The following FLT3 variants were observed in gnomAD, a reference collection of about 807,000 sequenced individuals.
FLT3 encodes the protein fms related receptor tyrosine kinase 3, also known as receptor-type tyrosine-protein kinase FLT3.
FLT3 carries 46 observed loss-of-function variants against 126.6 expected under a neutral mutation model. The observed-to-expected ratio is 0.36, with a 90% CI of 0.29 to 0.46. The LOEUF (loss-of-function observed/expected upper bound fraction) is 0.46. Ranked by LOEUF, FLT3 falls within the 20% of genes least tolerant of loss-of-function variation. FLT3 has a pLI of 1.00. For synonymous variants in FLT3, 404 were observed against 434.4 expected (o/e 0.93, Z 0.87); for missense variants, 1,069 against 1,190.3 (o/e 0.90, Z 1.50).
chr13:28,059,873 T>C (rs1343364160), intron 3 of FLT3, among the ~76,000 whole-genome samples: 2 of 151,922 alleles, frequency 1.3e-5, no homozygotes, highest in African/African-American at 2.4e-5. Flanking sequence ...GGCAGGAGAA[T>C]TGCTTGAACC....
At chr13:28,021,552 C>T (rs1392928534) in intron 19 of FLT3, among the ~76,000 whole-genome samples, 3 of 152,070 alleles carry the variant, frequency 2.0e-5, no homozygotes, top group East Asian at 1.9e-4. Flanking sequence ...GGAAATATTA[C>T]TGTGACAGTA....
intron 1 of FLT3, among the ~76,000 whole-genome samples, chr13:28,088,249 G>A (rs1200228267): frequency 6.6e-6 from 1 of 151,946 alleles, no homozygotes; most frequent in African/African-American, 2.4e-5. Flanking sequence ...TTTTACTAGT[G>A]GACTTCACCA....
intron 2 of FLT3, among the ~76,000 whole-genome samples, chr13:28,062,359 G>T (rs1420041483): frequency 6.6e-6 from 1 of 152,104 alleles, no homozygotes; most frequent in African/African-American, 2.4e-5. Flanking sequence ...ACCCTCAAAT[G>T]CAACTTTATT....
At chr13:28,040,963 CAA>C (rs58959298) in intron 9 of FLT3, among the ~76,000 whole-genome samples, 39 of 108,660 alleles carry the variant, frequency 3.6e-4, no homozygotes, top group East Asian at 9.2e-4. Context: ...GACCCGGACT[CAA>C]AAAAAAAAAA....
At chr13:28,024,686 T>C (rs1317367935) in intron 18 of FLT3, among the ~76,000 whole-genome samples, 175 bp downstream of exon 18, 1 of 152,256 alleles carries the variant, frequency 6.6e-6, no homozygotes, top group Non-Finnish European at 1.5e-5. Context: ...CCTCAGTGTT[T>C]ATTAGTTGAA....
chr13:28,053,197 CCA>C (rs1875698369), intron 4 of FLT3, among the ~76,000 whole-genome samples: 1 of 145,514 alleles, frequency 6.9e-6, no homozygotes, highest in African/African-American at 2.5e-5. Context: ...CACACACACA[CCA>C]TCCTTCACTC....
At chr13:28,067,896 T>C (rs1251763615) in intron 2 of FLT3, 4 of 400,514 alleles carry the variant, frequency 1.0e-5, no homozygotes, top group African/African-American at 4.3e-5. Context: ...ATAAAGAAAA[T>C]AAGCTGGCTT....
chr13:28,086,942 C>T (rs1165633399), intron 1 of FLT3, among the ~76,000 whole-genome samples: 2 of 152,068 alleles, frequency 1.3e-5, no homozygotes, highest in East Asian at 3.9e-4. Flanking sequence ...CCACCATGCC[C>T]ACCTGTCTGA....
rs1872571725 is a variant in FLT3, at chr13:28,023,486, T to C, written c.2291-9A>G. The C allele has an allele frequency of 1.9e-6, 3 of 1,612,746 alleles. No homozygotes were observed. The highest frequency in any genetic ancestry group is 2.2e-5 in the East Asian group (1 of 44,860). On this transcript the variant is annotated splice_polypyrimidine_tract_variant and intron_variant, in intron 18 of 23. Coordinates refer to ENST00000241453, the MANE Select transcript of FLT3 (RefSeq NM_004119.3). ...TTCATATTCAATTTCATCTGTAAAA[T>C]AGAGCCAGTCTTCACTTTTGCCAAA...
At position 28,034,393 on chromosome 13, in the gene FLT3, T is replaced by C. The variant is rs1320131173; in HGVS notation, c.1612A>G (p.Ile538Val). Reference protein sequence around the residue: ...LLNSPGPFPFIQDNISFYATI... With the variant: ...LLNSPGPFPFVQDNISFYATI... ...GCATAGAATGAGATGTTGTCTTGGA[T>C]GAAAGGGAAGGGGCCTGCAACAAAA... is the stretch of plus-strand genomic sequence containing the variant. Residue 538 changes from isoleucine (I) to valine (V), a missense_variant, in exon 13 of 24, where the codon ATC becomes GTC. Physicochemically the swap from Ile to Val is conservative, Grantham distance 29 (BLOSUM62 3). Coordinates refer to ENST00000241453, the MANE Select transcript of FLT3 (RefSeq NM_004119.3). The C allele has an allele frequency of 6.2e-7, 1 of 1,613,576 alleles. No homozygotes were observed.
intron 19 of FLT3, among the ~76,000 whole-genome samples, chr13:28,022,023 T>C (rs887461022): frequency 3.3e-5 from 5 of 151,588 alleles, no homozygotes; most frequent in South Asian, 4.2e-4. Context: ...AGGCGTGAGC[T>C]ACCACGCCCG....
At chr13:28,048,056 TTC>T (rs1408862677) in intron 9 of FLT3, among the ~76,000 whole-genome samples, 3 of 152,166 alleles carry the variant, frequency 2.0e-5, no homozygotes, top group African/African-American at 7.2e-5. Flanking sequence ...ATACGGTTCT[TTC>T]TGTTTTCATG....
At chr13:28,095,427 C>A (rs766624828) in intron 1 of FLT3, among the ~76,000 whole-genome samples, 1 of 152,150 alleles carries the variant, frequency 6.6e-6, no homozygotes, top group African/African-American at 2.4e-5. Context: ...AGGCGTGCGC[C>A]ACCACACCCA....
chr13:28,052,461 T>A (rs1480545126), intron 5 of FLT3, 84 bp downstream of exon 5: 18 of 1,371,526 alleles, frequency 1.3e-5, no homozygotes, highest in Non-Finnish European at 1.6e-5. Flanking sequence ...TAAATTAAAT[T>A]TTACATACAG....
At chr13:28,099,622 G>C (rs1159415993) in intron 1 of FLT3, among the ~76,000 whole-genome samples, 1 of 152,146 alleles carries the variant, frequency 6.6e-6, no homozygotes, top group Non-Finnish European at 1.5e-5. Context: ...CTAGGACAGG[G>C]ACCGGAGCTG....
At chr13:28,069,622 T>C (rs1263489679) in intron 2 of FLT3, among the ~76,000 whole-genome samples, 1 of 152,148 alleles carries the variant, frequency 6.6e-6, no homozygotes, top group Non-Finnish European at 1.5e-5. Context: ...TCCGCATCCA[T>C]GGATACAACC....
chr13:28,053,297 T>C (rs73439156), intron 4 of FLT3, among the ~76,000 whole-genome samples: 3,996 of 151,688 alleles, frequency 0.026, 163 homozygotes, highest in African/African-American at 0.09. Context: ...GTCATTCTAA[T>C]TTCTGACAAA....
intron 17 of FLT3, chr13:28,025,264 C>T (rs969000075): frequency 1.3e-5 from 5 of 395,564 alleles, no homozygotes; most frequent in African/African-American, 2.1e-5. Context: ...AAATATGATT[C>T]GAGTGGAACC....
chr13:28,072,376 C>G (rs1286395318), intron 1 of FLT3, among the ~76,000 whole-genome samples: 1 of 151,878 alleles, frequency 6.6e-6, no homozygotes, highest in Non-Finnish European at 1.5e-5. Flanking sequence ...CATTTAAGAT[C>G]TACTCTCTCT....
Sources: allele counts gnomAD v4.1 joint callset (sites outside exome capture counted in the v4.1 genomes callset), GRCh38; gene constraint gnomAD v4.1.1; transcripts MANE v1.5; gene names NCBI Gene and HGNC (gene_info 2026-07-23, HGNC 2026-07-21).